ARFGEF2: variants seen among roughly 807,000 people sequenced by gnomAD.
ARFGEF2 encodes ARF guanine nucleotide exchange factor 2, also known as brefeldin A-inhibited guanine nucleotide-exchange protein 2.
A neutral mutation model predicts 219.9 loss-of-function variants in ARFGEF2; 74 were observed. The observed-to-expected ratio is 0.34, with a 90% CI of 0.28 to 0.41. ARFGEF2 has a LOEUF of 0.41. Ranked by LOEUF, ARFGEF2 falls within the 10% of genes least tolerant of loss-of-function variation. The pLI is 1.00. For synonymous variants in ARFGEF2, 733 were observed against 799.2 expected, an observed-to-expected ratio of 0.92 and a Z score of 1.40; for missense variants, 1,743 against 2,218.3, an observed-to-expected ratio of 0.79 and a Z score of 4.30.
rs764100878 is a variant in ARFGEF2, at chr20:48,951,340, G to A, written c.294G>A (p.Gly98=). 6.2e-7 allele frequency: 1 copy of A among 1,614,066 alleles called. No individual in the cohort carries two copies. Among genetic ancestry groups the A allele is most frequent in the East Asian group, 2.2e-5 (1 of 44,902 alleles). The change falls in exon 4 of 39, where the codon GGG becomes GGA. Residue 98 remains glycine (G), a synonymous_variant. Transcript: ENST00000371917. The part of the protein sequence containing the change: ...LDCLQKLIAY[G]HITGNAPDSG... ...CTCTTTAGAAACTCATCGCATACGG[G>A]CACATCACTGGCAACGCCCCTGACA... is the stretch of plus-strand genomic sequence containing the variant.
chr20:48,995,070 G>A (rs570841172), intron 22 of ARFGEF2, among the ~76,000 whole-genome samples: 17 of 152,104 alleles, frequency 1.1e-4, no homozygotes, highest in Non-Finnish European at 2.4e-4. Flanking sequence ...ATAGTAAATA[G>A]GGCAAACAGA....
intron 28 of ARFGEF2, 103 bp downstream of exon 28, chr20:49,012,187 A>G: frequency 2.0e-6 from 3 of 1,485,464 alleles, no homozygotes; most frequent in Non-Finnish European, 2.8e-6. Flanking sequence ...TCTTTTAGAA[A>G]TGTGTGTTTG....
At chr20:49,001,979 G>C (rs2091427891) in intron 25 of ARFGEF2, among the ~76,000 whole-genome samples, 1 of 152,214 alleles carries the variant, frequency 6.6e-6, no homozygotes, top group Non-Finnish European at 1.5e-5. Flanking sequence ...GGGCACAGTA[G>C]CTCACTCCTG....
Position 48,971,200 on chromosome 20 carries a change from C to G in ARFGEF2, c.1271C>G (p.Thr424Ser). The G allele has an allele frequency of 6.2e-7, 1 of 1,614,194 alleles. No individual in the cohort carries two copies. Among genetic ancestry groups the G allele is most frequent in the Non-Finnish European group, 8.5e-7 (1 of 1,180,048 alleles). ...CAAAATGCTGGCCCCGTATTCAGGA[C>G]TCACGAGATGTTCATCAATGCAATC... is the stretch of plus-strand genomic sequence containing the variant. ...VLQNAGPVFR[T>S]HEMFINAIKQ... is the part of the protein sequence containing the mutation. The change falls in exon 10 of 39, where the codon ACT becomes AGT. Residue 424 changes from threonine to serine, a missense_variant. By Grantham distance (58) the Thr-to-Ser change is moderately conservative (BLOSUM62 1). Coordinates refer to ENST00000371917, the MANE Select transcript of ARFGEF2 (RefSeq NM_006420.3).
chr20:48,971,672 C>T (rs1486483671), intron 10 of ARFGEF2, among the ~76,000 whole-genome samples: 5 of 152,100 alleles, frequency 3.3e-5, no homozygotes, highest in South Asian at 2.1e-4. Context: ...GAAGCTGAGG[C>T]GGGCGGATCA....
At chr20:48,973,333 T>C (rs2091240009) in intron 12 of ARFGEF2, 49 bp downstream of exon 12, 2 of 1,600,560 alleles carry the variant, frequency 1.2e-6, no homozygotes, top group African/African-American at 2.7e-5. Context: ...TTCATTCCAA[T>C]AAACATTTAT....
chr20:49,013,600 G>C lies in ARFGEF2; in HGVS notation c.3955G>C (p.Ala1319Pro). Residue 1319 changes from alanine (A) to proline (P), a missense_variant, in exon 29 of 39, where the codon GCT (alanine) becomes CCT (proline). Transcript: ENST00000371917. ...ATACACAAGTGATGACATGAATGTA[G>C]CTCCTGGTGACAGAGTCTGGGTCCG... ...QEYTSDDMNV[A>P]PGDRVWVRGW... 6.2e-7 allele frequency: 1 copy of C among 1,614,166 alleles called. No homozygotes were observed. Among genetic ancestry groups the C allele is most frequent in the Non-Finnish European group, 8.5e-7 (1 of 1,180,018 alleles).
Position 49,035,989 on chromosome 20 carries a change from A to C in ARFGEF2, c.*2790A>C. The C allele has an allele frequency of 2.7e-6, 1 of 369,950 alleles. No individual in the cohort carries two copies. Among genetic ancestry groups the C allele is most frequent in the Non-Finnish European group, 4.6e-6 (1 of 216,806 alleles). The allele number at this position is 369,950 out of a possible 1,614,324, so 22.9% of individuals were successfully genotyped here. A position where few individuals can be genotyped will look rare whatever the true frequency, so the allele number is the denominator to read the frequency against. On this transcript the variant is annotated 3_prime_UTR_variant, in exon 39 of 39. Coordinates refer to ENST00000371917, the MANE Select transcript of ARFGEF2 (RefSeq NM_006420.3). The stretch of plus-strand genomic sequence containing the variant: ...TCCTCTGGCAGGTGACTTTTGTACG[A>C]AATGAAAAAAAAAAAACCTGTATTT...
At chr20:49,001,262 ACTC>A (rs1241785963) in intron 25 of ARFGEF2, among the ~76,000 whole-genome samples, 3 of 151,248 alleles carry the variant, frequency 2.0e-5, no homozygotes. Context: ...CTGGTCTGGA[ACTC>A]CTGACCTCGG....
Position 48,995,773 on chromosome 20 carries a change from T to C in ARFGEF2, c.3122-10T>C, listed in dbSNP as rs376339617. 12 of 1,613,330 alleles carry C rather than the reference T, an allele frequency of 7.4e-6. No individual in the cohort carries two copies. Among genetic ancestry groups the C allele is most frequent in the Non-Finnish European group, 1.0e-5 (12 of 1,179,278 alleles). The stretch of plus-strand genomic sequence containing the variant: ...TTGAAGTACTGCTGATTTTGTGCAT[T>C]GTGTTTCAGGTAATTTGGTGAGTGG... On this transcript the variant is annotated splice_polypyrimidine_tract_variant and intron_variant, in intron 22 of 38. Coordinates refer to ENST00000371917, the MANE Select transcript of ARFGEF2 (RefSeq NM_006420.3).
chr20:49,023,249 C>T lies in ARFGEF2; in HGVS notation c.4755+68C>T, dbSNP rs530355446. The stretch of plus-strand genomic sequence containing the variant: ...GAGGTTGCTTTGATGTAGTGGTGTG[C>T]GGAAGCCAGCTTGTACTGGCTTTCC... On this transcript the variant is annotated intron_variant, in intron 35 of 38. Transcript: ENST00000371917. The T allele has an allele frequency of 3.2e-5, 51 of 1,593,254 alleles. No individual in the cohort carries two copies. The African/African-American group carries it at 3.4e-4, about 11-fold the overall frequency.
intron 31 of ARFGEF2, 57 bp downstream of exon 31, chr20:49,016,472 G>C: frequency 6.3e-7 from 1 of 1,580,210 alleles, no homozygotes; most frequent in Non-Finnish European, 8.6e-7. Flanking sequence ...TGAGAGGTTA[G>C]TTTTTTCAAT....
chr20:49,017,887 T>C (rs1023516521), intron 33 of ARFGEF2, among the ~76,000 whole-genome samples: 1 of 152,182 alleles, frequency 6.6e-6, no homozygotes, highest in African/African-American at 2.4e-5. Flanking sequence ...TTGAGAGCAG[T>C]CTTTTCAGTG....
In ARFGEF2 at chr20:48,971,133, C is replaced by T. The variant is rs1022300649; in HGVS notation, c.1204C>T (p.Arg402Cys). ...GPPDPKSHEL[R>C]SKVVSLQLLL... ...TTTCTTTGCCAGATCCCATGAGCTGCGTTCCAAGGTGGTTTCCCTGCAGCT... is the reference window on the plus strand; with the variant it reads ...TTTCTTTGCCAGATCCCATGAGCTGTGTTCCAAGGTGGTTTCCCTGCAGCT... The change falls in exon 10 of 39, where the codon CGT (arginine) becomes TGT (cysteine). Residue 402 changes from arginine to cysteine, a missense_variant. Coordinates refer to ENST00000371917, the MANE Select transcript of ARFGEF2 (RefSeq NM_006420.3). The T allele has an allele frequency of 5.0e-6, 8 of 1,613,964 alleles. No individual in the cohort carries two copies. The highest frequency in any genetic ancestry group is 5.9e-6 in the Non-Finnish European group (7 of 1,179,978).
intron 3 of ARFGEF2, among the ~76,000 whole-genome samples, chr20:48,942,833 T>C (rs562704216): frequency 6.6e-6 from 1 of 152,202 alleles, no homozygotes; most frequent in African/African-American, 2.4e-5. Flanking sequence ...ACATTGAATC[T>C]TTGTTCCTGG....
In ARFGEF2 at chr20:49,007,320, G is replaced by C. The variant is rs141434648; in HGVS notation, c.3584+2099G>C. On this transcript the variant is annotated intron_variant, in intron 26 of 38. Coordinates refer to ENST00000371917, the MANE Select transcript of ARFGEF2 (RefSeq NM_006420.3). The stretch of plus-strand genomic sequence containing the variant: ...TTTTTTTTTTTTGAGACGGAGTTTT[G>C]CTCTTTTTGCCGAGGCTGGAGTGTA... Among the ~76,000 whole-genome samples the C allele has an allele frequency of 6.4e-3, 679 of 106,346 alleles. 3 individuals are homozygous for C. Among genetic ancestry groups the C allele is most frequent in the African/African-American group, 0.025 (642 of 25,478 alleles). The allele number at this position is 106,346 out of a possible 152,430, so 69.8% of individuals were successfully genotyped here. A position where few individuals can be genotyped will look rare whatever the true frequency, so the allele number is the denominator to read the frequency against.
intron 22 of ARFGEF2, among the ~76,000 whole-genome samples, chr20:48,995,165 T>A (rs907585616): frequency 6.6e-6 from 1 of 152,198 alleles, no homozygotes; most frequent in Admixed American, 6.5e-5. Context: ...CAGGGACTGT[T>A]ATATTCCCCA....
intron 26 of ARFGEF2, among the ~76,000 whole-genome samples, chr20:49,006,645 T>C (rs2091461391): frequency 6.6e-6 from 1 of 152,162 alleles, no homozygotes; most frequent in African/African-American, 2.4e-5. Context: ...AGAGTGGCCA[T>C]ATGCTGCCTT....
intron 14 of ARFGEF2, among the ~76,000 whole-genome samples, chr20:48,979,796 G>A (rs190479930): frequency 6.6e-6 from 1 of 152,236 alleles, no homozygotes. Context: ...ATGGTAATTT[G>A]TATTTCTGTG....
Sources: allele counts gnomAD v4.1 joint callset (sites outside exome capture counted in the v4.1 genomes callset), GRCh38; gene constraint gnomAD v4.1.1; transcripts MANE v1.5; gene names NCBI Gene and HGNC (gene_info 2026-07-23, HGNC 2026-07-21).